Variants in RAP1GDS1 observed in about 807,000 individuals in gnomAD.
RAP1GDS1 encodes the protein Rap1 GTPase-GDP dissociation stimulator 1.
In RAP1GDS1, 35 loss-of-function variants were observed where a neutral mutation model predicts 71.1. That is an observed-to-expected ratio of 0.49 (90% CI 0.38 to 0.65). The LOEUF (loss-of-function observed/expected upper bound fraction) is 0.65. Among genes scored for constraint, RAP1GDS1 ranks in the 30% least tolerant of loss-of-function variants. The pLI, the probability that RAP1GDS1 is intolerant of heterozygous loss-of-function variation, is 0.00. For missense variants in RAP1GDS1, 663 were observed against 706.1 expected, an observed-to-expected ratio of 0.94 and a Z score of 0.69; for synonymous variants, 229 against 243.1, an observed-to-expected ratio of 0.94 and a Z score of 0.54.
chr4:98,441,428 AC>A, intron 14 of RAP1GDS1: 1 of 985,242 alleles, frequency 1.0e-6, no homozygotes, highest in Non-Finnish European at 1.2e-6. Flanking sequence ...TTCTTTTGCC[AC>A]AAAATTAATT....
chr4:98,273,387 A>G (rs1287983387), intron 1 of RAP1GDS1, among the ~76,000 whole-genome samples: 1 of 152,198 alleles, frequency 6.6e-6, no homozygotes, highest in Non-Finnish European at 1.5e-5. Flanking sequence ...AAAAGGGAAA[A>G]ATATATATGA....
Position 98,437,038 on chromosome 4 carries a change from A to T in RAP1GDS1, c.1666A>T (p.Met556Leu). 3 of 1,612,278 alleles carry T rather than the reference A, an allele frequency of 1.9e-6. No individual in the cohort carries two copies. Among genetic ancestry groups the T allele is most frequent in the Non-Finnish European group, 8.5e-7 (1 of 1,179,534 alleles). The change falls in exon 14 of 15, where the codon ATG (methionine) becomes TTG (leucine). Residue 556 changes from methionine to leucine, a missense_variant. Transcript: ENST00000408927. ...RSAPEIKYNSMVLICALMGSE... is the reference protein window; with the variant it reads ...RSAPEIKYNSLVLICALMGSE... ...TGCTCCTGAAATCAAATATAATTCCATGGTCCTGATATGTGCTCTTATGGG... is the reference window on the plus strand; with the variant it reads ...TGCTCCTGAAATCAAATATAATTCCTTGGTCCTGATATGTGCTCTTATGGG...
chr4:98,329,162 T>C (rs1733570691), intron 2 of RAP1GDS1, among the ~76,000 whole-genome samples: 2 of 152,198 alleles, frequency 1.3e-5, no homozygotes, highest in African/African-American at 4.8e-5. Context: ...GTTAACCATA[T>C]TGCCATAAGA....
intron 13 of RAP1GDS1, among the ~76,000 whole-genome samples, chr4:98,435,794 T>C (rs1407624646): frequency 6.6e-6 from 1 of 152,128 alleles, no homozygotes; most frequent in Admixed American, 6.5e-5. Flanking sequence ...TTTGAGTTAA[T>C]ATCGGTATAA....
chr4:98,443,141 A>G lies in RAP1GDS1; in HGVS notation c.*1024A>G, dbSNP rs1752096448. ...AGGACGTAGGTGGAAAGATGAAGAA[A>G]TAAGCTTGTCTAGACTAAAGAAAGG... On this transcript the variant is annotated 3_prime_UTR_variant, in exon 15 of 15. Transcript: ENST00000408927. The G allele has an allele frequency of 4.3e-6, 1 of 231,522 alleles. No homozygotes were observed. The highest frequency in any genetic ancestry group is 1.8e-4 in the South Asian group (1 of 5,496). 14.3% of individuals were successfully genotyped at this position (231,522 alleles called of 1,614,324 possible). A position where few individuals can be genotyped will look rare whatever the true frequency, so the allele number is the denominator to read the frequency against.
At chr4:98,406,182 A>T (rs1746086344) in intron 7 of RAP1GDS1, among the ~76,000 whole-genome samples, 1 of 152,090 alleles carries the variant, frequency 6.6e-6, no homozygotes, top group South Asian at 2.1e-4. Context: ...GGACAAATGA[A>T]GCATAAAAAT....
At chr4:98,381,099 A>G (rs2110108371) in intron 5 of RAP1GDS1, among the ~76,000 whole-genome samples, 1 of 151,764 alleles carries the variant, frequency 6.6e-6, no homozygotes, top group African/African-American at 2.4e-5. Flanking sequence ...ATATTTTTTG[A>G]AGAGTAGGCT....
intron 2 of RAP1GDS1, among the ~76,000 whole-genome samples, chr4:98,331,063 A>G (rs1193415118): frequency 6.6e-6 from 1 of 152,216 alleles, no homozygotes; most frequent in Non-Finnish European, 1.5e-5. Context: ...CGGGAGGCCA[A>G]GGCGGGCAGA....
At chr4:98,438,590 C>CTT (rs1185496995) in intron 14 of RAP1GDS1, among the ~76,000 whole-genome samples, 929 of 62,600 alleles carry the variant, frequency 0.015, 85 homozygotes, top group African/African-American at 0.065. Flanking sequence ...ATATATATAT[C>CTT]TTTTTTTTTT....
chr4:98,423,397 T>G (rs1430052048), intron 12 of RAP1GDS1, among the ~76,000 whole-genome samples: 1 of 152,192 alleles, frequency 6.6e-6, no homozygotes, highest in Non-Finnish European at 1.5e-5. Context: ...CCAGAGAGGT[T>G]GAAAACTGGG....
chr4:98,290,406 G>A (rs1438636916), intron 1 of RAP1GDS1, among the ~76,000 whole-genome samples: 2 of 151,970 alleles, frequency 1.3e-5, no homozygotes, highest in Admixed American at 1.3e-4. Context: ...ATGATCTTAA[G>A]TACTTTTATG....
intron 1 of RAP1GDS1, among the ~76,000 whole-genome samples, chr4:98,289,204 A>G (rs1342373086): frequency 6.6e-6 from 1 of 152,166 alleles, no homozygotes; most frequent in Non-Finnish European, 1.5e-5. Context: ...ATTTAACATT[A>G]AAGAATCTAT....
intron 7 of RAP1GDS1, among the ~76,000 whole-genome samples, chr4:98,404,878 G>A (rs1222235826): frequency 6.6e-6 from 1 of 152,104 alleles, no homozygotes; most frequent in Non-Finnish European, 1.5e-5. Context: ...CAGCTGAGAG[G>A]CTGAGCTCTA....
chr4:98,308,492 C>A (rs917096047), intron 2 of RAP1GDS1, among the ~76,000 whole-genome samples: 1 of 150,344 alleles, frequency 6.7e-6, no homozygotes, highest in South Asian at 2.1e-4. Context: ...AAATAAAGAA[C>A]AATTTCTTTA....
intron 5 of RAP1GDS1, among the ~76,000 whole-genome samples, chr4:98,388,186 A>G (rs1277338623): frequency 2.6e-5 from 4 of 152,184 alleles, no homozygotes; most frequent in African/African-American, 9.7e-5. Context: ...CTACATAGTA[A>G]CTGAAATAGG....
intron 2 of RAP1GDS1, among the ~76,000 whole-genome samples, chr4:98,301,683 A>G (rs954919650): frequency 6.6e-6 from 1 of 152,112 alleles, no homozygotes; most frequent in Admixed American, 6.6e-5. Flanking sequence ...CACAATGAAA[A>G]TTACCTTTAG....
intron 4 of RAP1GDS1, among the ~76,000 whole-genome samples, chr4:98,375,705 A>G (rs1741072814): frequency 6.6e-6 from 1 of 152,180 alleles, no homozygotes; most frequent in Non-Finnish European, 1.5e-5. Flanking sequence ...CACTCTCACA[A>G]TCATCCATCC....
chr4:98,392,602 G>A (rs1027800437), intron 6 of RAP1GDS1, among the ~76,000 whole-genome samples: 9 of 152,244 alleles, frequency 5.9e-5, no homozygotes, highest in Non-Finnish European at 1.2e-4. Flanking sequence ...TCAGGAGACC[G>A]AGGCAGGAGG....
At chr4:98,436,682 A>G (rs1392366584) in intron 13 of RAP1GDS1, among the ~76,000 whole-genome samples, 1 of 152,250 alleles carries the variant, frequency 6.6e-6, no homozygotes, top group Non-Finnish European at 1.5e-5. Context: ...ATTTTCCATA[A>G]TAAAAAGTTT....
Sources: allele counts gnomAD v4.1 joint callset (sites outside exome capture counted in the v4.1 genomes callset), GRCh38; gene constraint gnomAD v4.1.1; transcripts MANE v1.5; gene names NCBI Gene and HGNC (gene_info 2026-07-23, HGNC 2026-07-21).